The following ZNF407 variants were observed in gnomAD, a reference collection of about 807,000 sequenced individuals.
The protein encoded by ZNF407 is zinc finger protein 407.
Under a neutral mutation model 131.2 loss-of-function variants are expected in ZNF407, and 17 were observed. That is an observed-to-expected ratio of 0.13 (90% CI 0.09 to 0.19). The LOEUF (loss-of-function observed/expected upper bound fraction) is 0.19, where lower values mean the gene tolerates loss of function less well. Among genes scored for constraint, ZNF407 ranks in the 10% least tolerant of loss-of-function variants. The probability of loss-of-function intolerance (pLI) is 1.00; values close to 1 mark genes in which losing one functional copy is unlikely to be tolerated. For synonymous variants in ZNF407, 1,156 were observed against 1,062.0 expected (o/e 1.09, Z -1.72); for missense variants, 2,681 against 2,830.6 (o/e 0.95, Z 1.20).
At chr18:74,654,766 G>C (rs945424462) in intron 3 of ZNF407, among the ~76,000 whole-genome samples, 1 of 151,668 alleles carries the variant, frequency 6.6e-6, no homozygotes, top group Admixed American at 6.6e-5. Flanking sequence ...GCTATATTAA[G>C]CACAAAGAAT....
Position 75,063,921 on chromosome 18 carries a change from C to T in ZNF407, c.6200C>T (p.Ala2067Val). ...GTGGTCCATCCCTCAGCAGCCATGG[C>T]CTCTCAGGAGCGGGCACAGGTGGCC... is the stretch of plus-strand genomic sequence containing the variant. ...TQVVHPSAAM[A>V]SQERAQVAFK... The change falls in exon 9 of 9, where the codon GCC becomes GTC. Residue 2067 changes from alanine to valine, a missense_variant. By Grantham distance (64) the Ala-to-Val change is moderately conservative. This residue lies in a region of ZNF407 where 620 missense variants were observed against 583.1 expected (regional missense o/e 1.06). Transcript: ENST00000299687. The surrounding 1 kb of genome is among the most constrained non-coding windows in gnomAD (Gnocchi z 6.6). 1 of 1,613,654 alleles carries T rather than the reference C, an allele frequency of 6.2e-7. No homozygotes were observed. Among genetic ancestry groups the T allele is most frequent in the Non-Finnish European group, 8.5e-7 (1 of 1,179,856 alleles).
chr18:74,610,897 T>C (rs1157735806), intron 1 of ZNF407, among the ~76,000 whole-genome samples: 1 of 152,140 alleles, frequency 6.6e-6, no homozygotes, highest in Non-Finnish European at 1.5e-5. Flanking sequence ...GTGTAGTAAG[T>C]GGGGATCATA....
chr18:74,717,287 G>C (rs562520995), intron 3 of ZNF407, among the ~76,000 whole-genome samples: 12 of 152,268 alleles, frequency 7.9e-5, no homozygotes, highest in African/African-American at 2.4e-4. Flanking sequence ...GCTCAGCATT[G>C]GTTTGGACAG....
chr18:74,943,722 G>A (rs545026302), intron 8 of ZNF407, among the ~76,000 whole-genome samples: 37 of 152,224 alleles, frequency 2.4e-4, no homozygotes, highest in Non-Finnish European at 4.3e-4. Context: ...TTAGTGTGTC[G>A]GTTGTCGTAG....
At chr18:74,844,937 A>G (rs1970682378) in intron 4 of ZNF407, among the ~76,000 whole-genome samples, 1 of 152,180 alleles carries the variant, frequency 6.6e-6, no homozygotes, top group African/African-American at 2.4e-5. Flanking sequence ...CATCCAACTA[A>G]TGATTGAAAA....
chr18:74,724,047 A>C (rs1277794998), intron 3 of ZNF407, among the ~76,000 whole-genome samples: 1 of 152,172 alleles, frequency 6.6e-6, no homozygotes, highest in Non-Finnish European at 1.5e-5. Flanking sequence ...CCAAGGCATT[A>C]TATGTTTATT....
chr18:74,690,325 T>C (rs902562739), intron 3 of ZNF407, among the ~76,000 whole-genome samples: 1 of 152,188 alleles, frequency 6.6e-6, no homozygotes, highest in African/African-American at 2.4e-5. Flanking sequence ...AACCACATGG[T>C]TTCTTGAGAT....
At chr18:74,876,783 G>C (rs971674418) in intron 4 of ZNF407, among the ~76,000 whole-genome samples, 1 of 152,198 alleles carries the variant, frequency 6.6e-6, no homozygotes, top group Middle Eastern at 3.2e-3. Flanking sequence ...ATGCAGGAGA[G>C]GCCCTGCTCC....
intron 3 of ZNF407, among the ~76,000 whole-genome samples, chr18:74,733,739 C>G (rs929262944): frequency 7.9e-5 from 12 of 152,184 alleles, no homozygotes; most frequent in Non-Finnish European, 1.6e-4. Context: ...AACTGTGCTG[C>G]TTTGCTGCAG....
chr18:74,712,442 G>A (rs1599090813), intron 3 of ZNF407, among the ~76,000 whole-genome samples: 1 of 152,348 alleles, frequency 6.6e-6, no homozygotes, highest in South Asian at 2.1e-4. Context: ...GGTTTAGTGT[G>A]TGGAAGGCTT....
intron 4 of ZNF407, among the ~76,000 whole-genome samples, chr18:74,824,744 C>A (rs1216634383): frequency 6.6e-6 from 1 of 152,134 alleles, no homozygotes; most frequent in Admixed American, 6.5e-5. Flanking sequence ...CAAAAAAAGT[C>A]CAGGAACAGA....
In ZNF407 at chr18:74,915,569, A is replaced by G. The variant is rs139244911; in HGVS notation, c.5250-4945A>G. On this transcript the variant is annotated intron_variant, in intron 7 of 8. Coordinates refer to ENST00000299687, the MANE Select transcript of ZNF407 (RefSeq NM_017757.3). ...TCGAATCGGGAGTGTGTGTGTGTGC[A>G]TGCATGTGTGTGCTGGTATGGTGAG... Among the ~76,000 whole-genome samples the G allele has an allele frequency of 7.8e-3, 654 of 84,214 alleles. 16 individuals are homozygous for G. Among genetic ancestry groups the G allele is most frequent in the African/African-American group, 0.029 (606 of 20,728 alleles). The allele number at this position is 84,214 out of a possible 152,430, so 55.2% of individuals were successfully genotyped here.
intron 3 of ZNF407, among the ~76,000 whole-genome samples, chr18:74,687,263 A>ACTTGAAC (rs1967117004): frequency 6.6e-6 from 1 of 152,152 alleles, no homozygotes; most frequent in Non-Finnish European, 1.5e-5. Flanking sequence ...CAAGAGGATC[A>ACTTGAAC]CTTGAACCTA....
chr18:74,930,114 A>G (rs567286002), intron 8 of ZNF407, among the ~76,000 whole-genome samples: 26 of 152,336 alleles, frequency 1.7e-4, no homozygotes, highest in African/African-American at 6.3e-4. Flanking sequence ...CAGCCCAGGA[A>G]CCAACATTCC....
rs773399759 is a variant in ZNF407 at position 74,631,270 on chromosome 18, T to G, written c.251T>G (p.Leu84Arg). The change falls in exon 2 of 9, where the codon CTT becomes CGT. Residue 84 changes from leucine to arginine, a missense_variant. Around this residue, in one of 6 missense-constraint regions of ZNF407, gnomAD observed 1,789 missense variants for 1,748.7 expected, o/e 1.02. Coordinates refer to ENST00000299687, the MANE Select transcript of ZNF407 (RefSeq NM_017757.3). ...KRRKLDEAEP[L>R]KSGKQGICRL... ...AGGAAATTAGATGAGGCAGAGCCCC[T>G]TAAATCTGGAAAGCAAGGTATTTGT... 1 of 1,613,988 alleles carries G rather than the reference T, an allele frequency of 6.2e-7. No homozygotes were observed. Among genetic ancestry groups the G allele is most frequent in the Admixed American group, 1.7e-5 (1 of 60,020 alleles).
intron 4 of ZNF407, among the ~76,000 whole-genome samples, chr18:74,850,581 G>A (rs1013511268): frequency 6.6e-6 from 1 of 152,128 alleles, no homozygotes; most frequent in African/African-American, 2.4e-5. Context: ...TAAATGTATA[G>A]ATTTGACCAA....
At chr18:74,812,944 A>T (rs992506622) in intron 4 of ZNF407, among the ~76,000 whole-genome samples, 18 of 152,036 alleles carry the variant, frequency 1.2e-4, no homozygotes, top group Admixed American at 5.9e-4. Flanking sequence ...TGTAGACTAC[A>T]GTTTTTGTTG....
intron 3 of ZNF407, among the ~76,000 whole-genome samples, chr18:74,706,960 T>TTG (rs1967640120): frequency 2.7e-5 from 2 of 74,938 alleles, no homozygotes; most frequent in African/African-American, 8.2e-5. Flanking sequence ...TTTTTTTTTT[T>TTG]TTTTTTTGAG....
intron 1 of ZNF407, among the ~76,000 whole-genome samples, chr18:74,613,061 C>T (rs1257543314): frequency 6.6e-6 from 1 of 152,062 alleles, no homozygotes. Flanking sequence ...TAGTTAATCA[C>T]ATTTTGATTT....
Sources: allele counts gnomAD v4.1 joint callset (sites outside exome capture counted in the v4.1 genomes callset), GRCh38; gene constraint gnomAD v4.1.1; regional missense constraint gnomAD v4.1.1; non-coding constraint Gnocchi (gnomAD v3.1); transcripts MANE v1.5; gene names NCBI Gene and HGNC (gene_info 2026-07-23, HGNC 2026-07-21).